The following ELAVL4 variants were observed in gnomAD, a reference collection of about 807,000 sequenced individuals.
ELAVL4 encodes ELAV-like protein 4.
Under a neutral mutation model 35.6 loss-of-function variants are expected in ELAVL4, and 1 was observed. That is an observed-to-expected ratio of 0.03 (90% CI 0.01 to 0.13). The LOEUF (loss-of-function observed/expected upper bound fraction) is 0.13. Ranked by LOEUF, ELAVL4 falls within the 10% of genes least tolerant of loss-of-function variation. The probability of loss-of-function intolerance (pLI) is 1.00; values close to 1 mark genes in which losing one functional copy is unlikely to be tolerated. For missense variants in ELAVL4, 267 were observed against 464.9 expected (o/e 0.57, Z 3.91); for synonymous variants, 156 against 171.0 (o/e 0.91, Z 0.69).
intron 2 of ELAVL4, among the ~76,000 whole-genome samples, chr1:50,163,216 A>T (rs1267856258): frequency 6.6e-6 from 1 of 152,180 alleles, no homozygotes; most frequent in Admixed American, 6.5e-5. Context: ...CTCAATTCAG[A>T]TATCACATCC....
chr1:50,165,798 GTA>G lies in ELAVL4; in HGVS notation c.251-11287_251-11286del, dbSNP rs769261615. ...TGTGTATATATGTGTATATATATGT[GTA>G]TATGTGTGTGTGTATATATATATGT... On this transcript the variant is annotated intron_variant, in intron 2 of 6. Transcript: ENST00000371824. 3.1e-3 allele frequency among the ~76,000 whole-genome samples: 374 copies of G among 118,800 alleles called. 1 individual carries two copies. The highest frequency in any genetic ancestry group is 1.0e-2 in the South Asian group (34 of 3,406). The allele number at this position is 118,800 out of a possible 152,430, so 77.9% of individuals were successfully genotyped here.
chr1:50,102,705 G>C (rs930905001), upstream of ELAVL4, among the ~76,000 whole-genome samples: 3 of 152,122 alleles, frequency 2.0e-5, no homozygotes, highest in Non-Finnish European at 4.4e-5. Context: ...AGGGTTGTTT[G>C]TTTGTTTCTT....
intron 3 of ELAVL4, chr1:50,179,811 T>A (rs1680729364): frequency 6.6e-6 from 1 of 152,206 alleles, no homozygotes; most frequent in South Asian, 2.1e-4. Flanking sequence ...AATCAATAGT[T>A]AATTCCAAAG....
chr1:50,166,980 T>C (rs1678040793), intron 2 of ELAVL4, among the ~76,000 whole-genome samples: 1 of 152,152 alleles, frequency 6.6e-6, no homozygotes, highest in African/African-American at 2.4e-5. Context: ...AACGTGGTGT[T>C]GCAGGAACAG....
intron 1 of ELAVL4, among the ~76,000 whole-genome samples, chr1:50,093,100 T>G (rs1050024925): frequency 6.6e-6 from 1 of 152,200 alleles, no homozygotes; most frequent in Non-Finnish European, 1.5e-5. Context: ...AATTAATTCT[T>G]GAACTTGATT....
At chr1:50,190,300 T>G (rs1347098377) in intron 3 of ELAVL4, among the ~76,000 whole-genome samples, 2 of 152,158 alleles carry the variant, frequency 1.3e-5, no homozygotes, top group African/African-American at 2.4e-5. Flanking sequence ...ACCCTGAAAA[T>G]TGGCAATTTT....
intron 1 of ELAVL4, among the ~76,000 whole-genome samples, chr1:50,049,028 G>A (rs183115845): frequency 2.7e-4 from 41 of 152,248 alleles, no homozygotes; most frequent in African/African-American, 9.6e-4. Context: ...GAGACCACAG[G>A]GAAACCGAAG....
At chr1:50,070,773 C>T (rs1664483901) in intron 1 of ELAVL4, among the ~76,000 whole-genome samples, 1 of 147,492 alleles carries the variant, frequency 6.8e-6, no homozygotes, top group Admixed American at 6.7e-5. Flanking sequence ...CACTACTAAA[C>T]GGTGACGTTT....
At chr1:50,162,777 T>C (rs780486966) in intron 2 of ELAVL4, among the ~76,000 whole-genome samples, 3 of 152,106 alleles carry the variant, frequency 2.0e-5, no homozygotes, top group Non-Finnish European at 4.4e-5. Context: ...AGAGACAGGG[T>C]TTTGCTATGT....
chr1:50,148,133 C>A (rs1334586010), intron 2 of ELAVL4, among the ~76,000 whole-genome samples: 1 of 152,204 alleles, frequency 6.6e-6, no homozygotes, highest in Admixed American at 6.5e-5. Flanking sequence ...AACACGGAGC[C>A]TCCATTTTCT....
intron 1 of ELAVL4, among the ~76,000 whole-genome samples, chr1:50,136,154 T>C (rs1238909281): frequency 6.6e-6 from 1 of 152,134 alleles, no homozygotes; most frequent in African/African-American, 2.4e-5. Flanking sequence ...AATTGGGGAA[T>C]TGTAACGACA....
intron 6 of ELAVL4, among the ~76,000 whole-genome samples, chr1:50,198,375 T>C (rs1375981804): frequency 6.6e-6 from 1 of 152,166 alleles, no homozygotes; most frequent in Non-Finnish European, 1.5e-5. Context: ...GCTGCACACT[T>C]TAATTCCCCT....
chr1:50,084,084 C>G (rs1490631049), intron 1 of ELAVL4, among the ~76,000 whole-genome samples: 1 of 152,106 alleles, frequency 6.6e-6, no homozygotes, highest in Non-Finnish European at 1.5e-5. Flanking sequence ...CTTTAGCCAT[C>G]AGGACATTTT....
chr1:50,184,662 G>C (rs530596919), intron 3 of ELAVL4, among the ~76,000 whole-genome samples: 56 of 152,280 alleles, frequency 3.7e-4, no homozygotes, highest in African/African-American at 1.3e-3. Context: ...TGACCCTGAG[G>C]CATTAGTTTG....
intron 5 of ELAVL4, among the ~76,000 whole-genome samples, chr1:50,196,794 G>A (rs1176411974): frequency 3.3e-5 from 5 of 152,198 alleles, no homozygotes; most frequent in East Asian, 1.9e-4. Flanking sequence ...GGAAACTATC[G>A]TTACTACTGC....
intron 1 of ELAVL4, among the ~76,000 whole-genome samples, chr1:50,076,205 T>C (rs1173344015): frequency 6.6e-6 from 1 of 152,120 alleles, no homozygotes; most frequent in Admixed American, 6.5e-5. Flanking sequence ...CATGGGGAGA[T>C]TGTAGAGGAT....
chr1:50,118,577 G>A, intron 1 of ELAVL4, among the ~76,000 whole-genome samples: 1 of 152,020 alleles, frequency 6.6e-6, no homozygotes, highest in East Asian at 1.9e-4. Context: ...TTGGGAAGGG[G>A]TAATGGGTCG....
At chr1:50,059,250 A>G (rs932600589) in intron 1 of ELAVL4, among the ~76,000 whole-genome samples, 5 of 152,342 alleles carry the variant, frequency 3.3e-5, no homozygotes, top group African/African-American at 9.6e-5. Flanking sequence ...TTTAAAAAAT[A>G]CTACACTAAA....
intron 1 of ELAVL4, among the ~76,000 whole-genome samples, chr1:50,086,655 C>T (rs1665260307): frequency 6.6e-6 from 1 of 152,030 alleles, no homozygotes; most frequent in Non-Finnish European, 1.5e-5. Context: ...AACCCAGAAG[C>T]ATGCATTCTA....
Sources: gnomAD v4.1 joint callset for allele counts (sites outside exome capture counted in the v4.1 genomes callset) on GRCh38, gnomAD v4.1.1 for gene constraint, MANE v1.5 for transcripts, NCBI Gene and HGNC (gene_info 2026-07-23, HGNC 2026-07-21) for gene names.